The following ADAMTS9 variants were observed in gnomAD, a reference collection of about 807,000 sequenced individuals.
The protein encoded by ADAMTS9 is A disintegrin and metalloproteinase with thrombospondin motifs 9.
ADAMTS9 carries 107 observed loss-of-function variants against 257.1 expected under a neutral mutation model. The observed-to-expected ratio is 0.42, with a 90% CI of 0.36 to 0.49. ADAMTS9 has a LOEUF of 0.49. ADAMTS9 is among the 20% of genes least tolerant of loss of function. The pLI, the probability that ADAMTS9 is intolerant of heterozygous loss-of-function variation, is 0.03. For synonymous variants in ADAMTS9, 982 were observed against 880.9 expected (o/e 1.11, Z -2.03); for missense variants, 2,353 against 2,469.1 (o/e 0.95, Z 1.00).
chr3:64,619,323 A>T (rs1481367726), intron 19 of ADAMTS9, among the ~76,000 whole-genome samples: 1 of 152,168 alleles, frequency 6.6e-6, no homozygotes, highest in Admixed American at 6.6e-5. Context: ...CATGGGAATT[A>T]TTTCTTTTCA....
At chr3:64,549,038 C>A (rs1263972124) in intron 31 of ADAMTS9, among the ~76,000 whole-genome samples, 1 of 152,130 alleles carries the variant, frequency 6.6e-6, no homozygotes, top group Non-Finnish European at 1.5e-5. Context: ...AAAGAAGCCT[C>A]CAGGTAATAG....
chr3:64,653,718 G>C (rs890528794), intron 8 of ADAMTS9, among the ~76,000 whole-genome samples: 1 of 152,144 alleles, frequency 6.6e-6, no homozygotes, highest in Non-Finnish European at 1.5e-5. Context: ...ATAATTTCTA[G>C]TCAATTTGCA....
chr3:64,517,203 T>C (rs1371135087), intron 39 of ADAMTS9, 82 bp from the exon 40 acceptor site: 1 of 152,620 alleles, frequency 6.6e-6, no homozygotes, highest in African/African-American at 2.4e-5. Flanking sequence ...AATTTTTACA[T>C]ATAGAATTTA....
At chr3:64,647,868 TG>T in intron 11 of ADAMTS9, 71 bp downstream of exon 11, 1 of 1,313,194 alleles carries the variant, frequency 7.6e-7, no homozygotes, top group Admixed American at 2.0e-5. Context: ...TAAACATCGG[TG>T]TCTGATCATA....
At chr3:64,634,625 T>C (rs1015100731) in intron 12 of ADAMTS9, among the ~76,000 whole-genome samples, 1 of 152,088 alleles carries the variant, frequency 6.6e-6, no homozygotes, top group South Asian at 2.1e-4. Context: ...GAGAGTAAAT[T>C]ATACAACACA....
chr3:64,567,324 T>G (rs1269017270), intron 29 of ADAMTS9, among the ~76,000 whole-genome samples: 1 of 152,180 alleles, frequency 6.6e-6, no homozygotes, highest in Non-Finnish European at 1.5e-5. Flanking sequence ...TTCCCATCGA[T>G]TATCTGGAGT....
intron 23 of ADAMTS9, 24 bp from the exon 24 acceptor site, chr3:64,604,355 A>G (rs1316157810): frequency 1.1e-5 from 17 of 1,519,816 alleles, no homozygotes; most frequent in Non-Finnish European, 1.5e-5. Flanking sequence ...GGGAAAAAAA[A>G]ACAAAGTCAC....
At chr3:64,672,612 G>A (rs1701520587) in intron 3 of ADAMTS9, among the ~76,000 whole-genome samples, 1 of 152,192 alleles carries the variant, frequency 6.6e-6, no homozygotes, top group South Asian at 2.1e-4. Flanking sequence ...GAACCTGGAA[G>A]GTGGAGGTTG....
intron 15 of ADAMTS9, 91 bp downstream of exon 15, chr3:64,631,717 C>T (rs970728988): frequency 1.6e-5 from 20 of 1,282,426 alleles, no homozygotes; most frequent in African/African-American, 3.0e-5. Context: ...TTTTTATGCT[C>T]GACATTAATA....
At chr3:64,580,224 TA>T (rs1378500536) in intron 28 of ADAMTS9, among the ~76,000 whole-genome samples, 1 of 152,196 alleles carries the variant, frequency 6.6e-6, no homozygotes, top group Non-Finnish European at 1.5e-5. Flanking sequence ...TCTAAAAGCA[TA>T]AAACTGAAGA....
intron 28 of ADAMTS9, among the ~76,000 whole-genome samples, chr3:64,591,515 A>G (rs2084258922): frequency 6.6e-6 from 1 of 152,192 alleles, no homozygotes; most frequent in African/African-American, 2.4e-5. Flanking sequence ...TAAAAAGGAT[A>G]GAAAAGGTTG....
intron 10 of ADAMTS9, among the ~76,000 whole-genome samples, chr3:64,648,245 T>C (rs1366193561): frequency 6.6e-6 from 1 of 152,214 alleles, no homozygotes; most frequent in Non-Finnish European, 1.5e-5. Context: ...TGGATACCCA[T>C]GTACCCACCA....
chr3:64,575,011 C>T (rs906015276), intron 28 of ADAMTS9, among the ~76,000 whole-genome samples: 1 of 152,152 alleles, frequency 6.6e-6, no homozygotes, highest in African/African-American at 2.4e-5. Context: ...AGCAAACATA[C>T]AATCCCATAA....
intron 36 of ADAMTS9, among the ~76,000 whole-genome samples, chr3:64,539,597 A>T (rs1698041892): frequency 6.6e-6 from 1 of 152,190 alleles, no homozygotes. Context: ...TTCCTACATA[A>T]ATAAATATGT....
chr3:64,683,828 T>C (rs1050372809), intron 2 of ADAMTS9, among the ~76,000 whole-genome samples: 3 of 151,992 alleles, frequency 2.0e-5, no homozygotes, highest in Admixed American at 6.6e-5. Flanking sequence ...GAGAAAAGGA[T>C]AGAACATGTG....
chr3:64,675,229 T>A (rs1701597017), intron 3 of ADAMTS9, among the ~76,000 whole-genome samples: 1 of 152,162 alleles, frequency 6.6e-6, no homozygotes, highest in African/African-American at 2.4e-5. Flanking sequence ...AAATGGAGTT[T>A]GCGGTAAGAA....
chr3:64,684,725 C>T (rs1322461458), intron 2 of ADAMTS9, among the ~76,000 whole-genome samples: 1 of 152,238 alleles, frequency 6.6e-6, no homozygotes, highest in South Asian at 2.1e-4. Flanking sequence ...GTCCTCAGTT[C>T]CCAAAGAAAC....
chr3:64,626,083 C>T (rs1203082156), intron 16 of ADAMTS9, among the ~76,000 whole-genome samples: 1 of 152,150 alleles, frequency 6.6e-6, no homozygotes, highest in Non-Finnish European at 1.5e-5. Flanking sequence ...CAGTTTCTTC[C>T]TCTGTATAAT....
intron 23 of ADAMTS9, among the ~76,000 whole-genome samples, chr3:64,604,831 G>C (rs947455989): frequency 9.2e-5 from 14 of 152,146 alleles, no homozygotes; most frequent in African/African-American, 3.4e-4. Flanking sequence ...TATTCAATTG[G>C]CCAATGCCTG....
Sources: allele counts gnomAD v4.1 joint callset (sites outside exome capture counted in the v4.1 genomes callset), GRCh38; gene constraint gnomAD v4.1.1; transcripts MANE v1.5; gene names NCBI Gene and HGNC (gene_info 2026-07-23, HGNC 2026-07-21).